GALNT18: variants seen among roughly 807,000 people sequenced by gnomAD.
GALNT18 encodes GalNAc-transferase 18.
A neutral mutation model predicts 69.5 loss-of-function variants in GALNT18; 44 were observed. That is an observed-to-expected ratio of 0.63 (90% confidence interval 0.50 to 0.81). The LOEUF (loss-of-function observed/expected upper bound fraction) is 0.81. GALNT18 is among the 40% of genes least tolerant of loss of function. The pLI is 0.00. For synonymous variants in GALNT18, 364 were observed against 318.2 expected (o/e 1.14, Z -1.53); for missense variants, 715 against 810.0 (o/e 0.88, Z 1.42).
rs879930908 is a variant in GALNT18 at position 11,526,984 on chromosome 11, G to T, written c.236-78048C>A. 1.2e-4 allele frequency among the ~76,000 whole-genome samples: 19 copies of T among 152,090 alleles called. 1 individual carries two copies. The highest frequency in any genetic ancestry group is 1.2e-3 in the Admixed American group (19 of 15,270). On this transcript the variant is annotated intron_variant, in intron 1 of 10. Transcript: ENST00000227756. ...ACTATGACAATTATCATCTGATGTG[G>T]GTACCCTCTCTTGAAGGAGCCCGAC...
At chr11:11,292,594 CTG>C (rs1228651974) in intron 10 of GALNT18, among the ~76,000 whole-genome samples, 4 of 152,172 alleles carry the variant, frequency 2.6e-5, no homozygotes, top group African/African-American at 4.8e-5. Flanking sequence ...ATCTGGGAGA[CTG>C]GGGGCTCCAT....
In GALNT18 at chr11:11,372,727, T is replaced by C. The variant is rs924941970; in HGVS notation, c.978-98A>G. 7 of 939,020 alleles carry C rather than the reference T, an allele frequency of 7.5e-6. No individual in the cohort carries two copies. The highest frequency in any genetic ancestry group is 1.0e-5 in the Non-Finnish European group (6 of 601,272). 58.2% of individuals were successfully genotyped at this position (939,020 alleles called of 1,614,324 possible). A position where few individuals can be genotyped will look rare whatever the true frequency, so the allele number is the denominator to read the frequency against. On this transcript the variant is annotated intron_variant, in intron 5 of 10. Transcript: ENST00000227756. The surrounding 1 kb of genome is among the most constrained non-coding windows in gnomAD (Gnocchi z 4.9). ...TATCAGGAGGGTCTGGTTCTCTTCC[T>C]TCCTTTGCTGCCAGAGCCAGTGTGA... is the stretch of plus-strand genomic sequence containing the variant.
intron 3 of GALNT18, among the ~76,000 whole-genome samples, chr11:11,427,081 A>G (rs955523076): frequency 2.6e-5 from 4 of 152,136 alleles, no homozygotes; most frequent in African/African-American, 9.7e-5. Flanking sequence ...CACACTGCCA[A>G]ATGTCCATAT....
At chr11:11,277,154 G>C (rs1307517731) in intron 10 of GALNT18, among the ~76,000 whole-genome samples, 2 of 152,170 alleles carry the variant, frequency 1.3e-5, no homozygotes, top group African/African-American at 2.4e-5. Flanking sequence ...ACTTTTTTTG[G>C]TGGGTAGGCT....
In GALNT18 at chr11:11,470,954, C is replaced by G. The variant is rs1249373824; in HGVS notation, c.236-22018G>C. Among the ~76,000 whole-genome samples, 1 of 152,146 alleles carries G rather than the reference C, an allele frequency of 6.6e-6. No individual in the cohort carries two copies. The highest frequency in any genetic ancestry group is 2.4e-5 in the African/African-American group (1 of 41,424). On this transcript the variant is annotated intron_variant, in intron 1 of 10. Transcript: ENST00000227756. The surrounding 1 kb of genome is among the most constrained non-coding windows in gnomAD (Gnocchi z 4.8). ...CCTGCCAAATGGCTTCTTGATTTCTCCCCATTCATACTCAGGGGCCCGGGC... is the reference window on the plus strand; with the variant it reads ...CCTGCCAAATGGCTTCTTGATTTCTGCCCATTCATACTCAGGGGCCCGGGC...
intron 3 of GALNT18, among the ~76,000 whole-genome samples, chr11:11,429,126 G>A (rs4910344): frequency 0.21 from 31,595 of 151,954 alleles, 4,074 homozygotes; most frequent in East Asian, 0.54. Flanking sequence ...AAAGCTTCTC[G>A]CTGAGGTTTC....
At chr11:11,353,115 G>A (rs764874134) in intron 6 of GALNT18, 35 of 1,613,928 alleles carry the variant, frequency 2.2e-5, no homozygotes, top group Non-Finnish European at 2.5e-5. Context: ...CACGGGTCCC[G>A]ACATGTCAGA....
At chr11:11,447,611 G>A (rs1337852964) in intron 2 of GALNT18, among the ~76,000 whole-genome samples, 4 of 152,194 alleles carry the variant, frequency 2.6e-5, no homozygotes, top group African/African-American at 9.7e-5. Context: ...GGCTGGGGAG[G>A]CCTCAGGAAA....
chr11:11,449,735 G>T (rs189832729), intron 1 of GALNT18, among the ~76,000 whole-genome samples: 3 of 152,198 alleles, frequency 2.0e-5, no homozygotes, highest in African/African-American at 7.2e-5. Context: ...GCTCCACCAC[G>T]TCCTGGCTAC....
At chr11:11,335,306 A>G (rs954819223) in intron 7 of GALNT18, among the ~76,000 whole-genome samples, 1 of 152,192 alleles carries the variant, frequency 6.6e-6, no homozygotes, top group Non-Finnish European at 1.5e-5. Context: ...CTTTCTGAAT[A>G]TCAAGTCCCC....
chr11:11,319,006 G>A (rs533590450), intron 9 of GALNT18, among the ~76,000 whole-genome samples: 14 of 152,274 alleles, frequency 9.2e-5, no homozygotes, highest in Non-Finnish European at 2.1e-4. Flanking sequence ...AACCACTTTT[G>A]CATTTAATCT....
At chr11:11,286,399 C>T (rs1201966964) in intron 10 of GALNT18, among the ~76,000 whole-genome samples, 1 of 152,222 alleles carries the variant, frequency 6.6e-6, no homozygotes, top group African/African-American at 2.4e-5. Flanking sequence ...GCGCTACCAC[C>T]TAAAAGTGTT....
chr11:11,475,434 AGGGTG>A (rs1856369663), intron 1 of GALNT18: 2 of 152,252 alleles, frequency 1.3e-5, no homozygotes, highest in Admixed American at 6.5e-5. Context: ...TTAAAACAGC[AGGGTG>A]AGAAGCTTAA....
At chr11:11,539,774 T>C (rs1396316233) in intron 1 of GALNT18, among the ~76,000 whole-genome samples, 3 of 152,176 alleles carry the variant, frequency 2.0e-5, no homozygotes, top group Non-Finnish European at 4.4e-5. Context: ...TGTGGCTGCG[T>C]CTTAGAAAGC....
chr11:11,343,702 T>G (rs1850250815), intron 6 of GALNT18, among the ~76,000 whole-genome samples: 1 of 152,200 alleles, frequency 6.6e-6, no homozygotes, highest in African/African-American at 2.4e-5. Flanking sequence ...GTAATGATTC[T>G]TTTTGCCACT....
chr11:11,579,863 T>C (rs907785635), intron 1 of GALNT18, among the ~76,000 whole-genome samples: 1 of 152,172 alleles, frequency 6.6e-6, no homozygotes, highest in Non-Finnish European at 1.5e-5. Context: ...TTGTGAAGAA[T>C]GTGGCTTGAA....
chr11:11,440,002 A>C (rs1288898313), intron 2 of GALNT18, among the ~76,000 whole-genome samples: 2 of 152,230 alleles, frequency 1.3e-5, no homozygotes, highest in Non-Finnish European at 2.9e-5. Flanking sequence ...GGAGTTCTGC[A>C]ATGCAGGAGA....
Position 11,366,643 on chromosome 11 carries a change from C to T in GALNT18, c.1092+5872G>A, listed in dbSNP as rs114409909. 9.0e-3 allele frequency among the ~76,000 whole-genome samples: 1,366 copies of T among 151,562 alleles called. 16 individuals are homozygous for T. Among genetic ancestry groups the T allele is most frequent in the African/African-American group, 0.03 (1,243 of 41,314 alleles). The stretch of plus-strand genomic sequence containing the variant: ...ATAGGATAATTGTAGGGAAAGAATT[C>T]GAAAATATAGATGAAAGGTACTGCC... On this transcript the variant is annotated intron_variant, in intron 6 of 10. Coordinates refer to ENST00000227756, the MANE Select transcript of GALNT18 (RefSeq NM_198516.3).
At chr11:11,385,457 G>A (rs566849084) in intron 3 of GALNT18, among the ~76,000 whole-genome samples, 82 of 152,122 alleles carry the variant, frequency 5.4e-4, no homozygotes, top group Non-Finnish European at 1.0e-3. Context: ...CACCACATCC[G>A]GCTAATTTTT....
Sources: allele counts gnomAD v4.1 joint callset (sites outside exome capture counted in the v4.1 genomes callset), GRCh38; gene constraint gnomAD v4.1.1; non-coding constraint Gnocchi (gnomAD v3.1); transcripts MANE v1.5; gene names NCBI Gene and HGNC (gene_info 2026-07-23, HGNC 2026-07-21).